CCDC6: variants seen among roughly 807,000 people sequenced by gnomAD.
CCDC6 encodes the protein coiled-coil domain containing 6, also known as coiled-coil domain-containing protein 6.
A neutral mutation model predicts 56.6 loss-of-function variants in CCDC6; 20 were observed. The observed-to-expected ratio is 0.35, with a 90% CI of 0.25 to 0.51. The LOEUF is 0.51. Among genes scored for constraint, CCDC6 ranks in the 20% least tolerant of loss-of-function variants. The pLI, the probability that CCDC6 is intolerant of heterozygous loss-of-function variation, is 0.95. For synonymous variants in CCDC6, 241 were observed against 234.4 expected (o/e 1.03, Z -0.26); for missense variants, 367 against 601.1 (o/e 0.61, Z 4.07).
At position 59,789,147 on chromosome 10, in the gene CCDC6, G is replaced by A. The variant is rs2070445083; in HGVS notation, c.*3770C>T. The A allele has an allele frequency of 4.4e-6, 1 of 229,714 alleles. No individual in the cohort carries two copies. The highest frequency in any genetic ancestry group is 6.2e-5 in the East Asian group (1 of 16,162). 14.2% of individuals were successfully genotyped at this position (229,714 alleles called of 1,614,324 possible). A position where few individuals can be genotyped will look rare whatever the true frequency, so the allele number is the denominator to read the frequency against. On this transcript the variant is annotated 3_prime_UTR_variant, in exon 9 of 9. Transcript: ENST00000263102. ...GAGGAATGCATTCTTAAACTGTTGT[G>A]CCTGCAACTTTGTTTTTGCCAGGAT...
At chr10:59,844,746 C>CAAA (rs56232975) in intron 2 of CCDC6, among the ~76,000 whole-genome samples, 2 of 124,530 alleles carry the variant, frequency 1.6e-5, no homozygotes, top group Non-Finnish European at 3.5e-5. Flanking sequence ...AGACTATCTC[C>CAAA]AAAAAAAAAA....
At chr10:59,795,985 T>A (rs1269272413) in intron 7 of CCDC6, among the ~76,000 whole-genome samples, 1 of 152,212 alleles carries the variant, frequency 6.6e-6, no homozygotes, top group Non-Finnish European at 1.5e-5. Context: ...CCTTTGGGTA[T>A]ATACCCAGTA....
intron 2 of CCDC6, among the ~76,000 whole-genome samples, chr10:59,839,108 A>C (rs2070913941): frequency 6.6e-6 from 1 of 152,248 alleles, no homozygotes; most frequent in Admixed American, 6.5e-5. Flanking sequence ...ATAACTCTAC[A>C]GTAGAAACTG....
At chr10:59,885,913 C>CCA (rs1396511006) in intron 1 of CCDC6, among the ~76,000 whole-genome samples, 53 of 31,488 alleles carry the variant, frequency 1.7e-3, no homozygotes, top group Admixed American at 4.0e-3. Flanking sequence ...ATTTCCAACC[C>CCA]CGCCCCCCGC....
chr10:59,871,468 TAAAA>T (rs138741485), intron 1 of CCDC6, among the ~76,000 whole-genome samples: 61,508 of 97,624 alleles, frequency 0.63, 18,781 homozygotes, highest in East Asian at 0.85. Flanking sequence ...TAATACTCAT[TAAAA>T]AAAAAAAAAA....
At chr10:59,794,758 A>G (rs1225240951) in intron 7 of CCDC6, among the ~76,000 whole-genome samples, 161 bp from the exon 8 acceptor site, 1 of 152,224 alleles carries the variant, frequency 6.6e-6, no homozygotes, top group Non-Finnish European at 1.5e-5. Flanking sequence ...AACAAGGGAA[A>G]TAAATGTTAA....
chr10:59,816,274 A>G (rs1433595871), intron 3 of CCDC6, among the ~76,000 whole-genome samples: 1 of 152,222 alleles, frequency 6.6e-6, no homozygotes. Flanking sequence ...TAGAGAAAAA[A>G]AGGAGGTCTC....
intron 5 of CCDC6, among the ~76,000 whole-genome samples, chr10:59,808,085 C>G (rs1314893833): frequency 1.3e-5 from 2 of 152,158 alleles, no homozygotes; most frequent in African/African-American, 4.8e-5. Context: ...TAGCTGGCAC[C>G]TCTAGGGATG....
intron 6 of CCDC6, 176 bp downstream of exon 6, chr10:59,806,746 A>G: frequency 2.1e-6 from 1 of 471,680 alleles, no homozygotes; most frequent in Non-Finnish European, 3.6e-6. Flanking sequence ...TTTAAGGAAA[A>G]TGTTCAATCT....
At chr10:59,812,095 G>C (rs1204320491) in intron 5 of CCDC6, among the ~76,000 whole-genome samples, 1 of 142,024 alleles carries the variant, frequency 7.0e-6, no homozygotes, top group Admixed American at 7.0e-5. Flanking sequence ...ACAAATAGGA[G>C]AGACCCAAGA....
intron 7 of CCDC6, among the ~76,000 whole-genome samples, chr10:59,802,822 T>C (rs2070589324): frequency 6.6e-6 from 1 of 152,262 alleles, no homozygotes; most frequent in Admixed American, 6.5e-5. Flanking sequence ...GTTCTTTTTC[T>C]TTTCTCAATG....
chr10:59,808,361 A>G (rs1198241990), intron 5 of CCDC6, among the ~76,000 whole-genome samples: 2 of 152,156 alleles, frequency 1.3e-5, no homozygotes, highest in Non-Finnish European at 2.9e-5. Flanking sequence ...ATTCTGTGGC[A>G]TACTCCACAA....
At chr10:59,843,279 C>T (rs918232439) in intron 2 of CCDC6, among the ~76,000 whole-genome samples, 2 of 152,240 alleles carry the variant, frequency 1.3e-5, no homozygotes, top group African/African-American at 4.8e-5. Context: ...CTGTTGATCT[C>T]TAATTCAATT....
chr10:59,894,093 C>T (rs1295740230), intron 1 of CCDC6, among the ~76,000 whole-genome samples: 3 of 152,226 alleles, frequency 2.0e-5, no homozygotes. Flanking sequence ...TGGAATAAGA[C>T]AGGTCATCCT....
rs1564757543 is a variant in CCDC6 at position 59,885,914 on chromosome 10, C to CAT, written c.303+20207_303+20208insAT. The stretch of plus-strand genomic sequence containing the variant: ...GTTGTCTGATGTCTATTTCCAACCC[C>CAT]GCCCCCCGCCCCCCCAACTAGAATA... On this transcript the variant is annotated intron_variant, in intron 1 of 8. Transcript: ENST00000263102. Among the ~76,000 whole-genome samples, 49 of 47,058 alleles carry CAT rather than the reference C, an allele frequency of 1.0e-3. No individual in the cohort carries two copies. The East Asian group carries it at 0.048, about 46-fold the overall frequency. 30.9% of individuals were successfully genotyped at this position (47,058 alleles called of 152,430 possible).
intron 1 of CCDC6, among the ~76,000 whole-genome samples, chr10:59,854,851 T>A (rs1215898394): frequency 3.3e-5 from 5 of 152,224 alleles, no homozygotes; most frequent in Admixed American, 6.5e-5. Context: ...CCTATATGAT[T>A]TGAATTCTGA....
chr10:59,831,243 C>T (rs2070832753), intron 3 of CCDC6, among the ~76,000 whole-genome samples: 1 of 152,282 alleles, frequency 6.6e-6, no homozygotes, highest in Admixed American at 6.5e-5. Flanking sequence ...ATAAAATAGC[C>T]AGCACTTGAA....
At chr10:59,797,084 A>T (rs2070527371) in intron 7 of CCDC6, among the ~76,000 whole-genome samples, 1 of 152,184 alleles carries the variant, frequency 6.6e-6, no homozygotes, top group African/African-American at 2.4e-5. Flanking sequence ...AAAAGGAGAA[A>T]ATCCTGCCAT....
chr10:59,875,982 AT>A (rs1390241409), intron 1 of CCDC6, among the ~76,000 whole-genome samples: 4 of 151,434 alleles, frequency 2.6e-5, no homozygotes, highest in Admixed American at 2.0e-4. Flanking sequence ...CCCAAAAAAA[AT>A]AACGGTTGTT....
Sources: gnomAD v4.1 joint callset for allele counts (sites outside exome capture counted in the v4.1 genomes callset) on GRCh38, gnomAD v4.1.1 for gene constraint, MANE v1.5 for transcripts, NCBI Gene and HGNC (gene_info 2026-07-23, HGNC 2026-07-21) for gene names.